Variants in KCNH8 observed in about 807,000 individuals in gnomAD.
KCNH8 encodes voltage-gated delayed rectifier potassium channel KCNH8.
KCNH8 carries 70 observed loss-of-function variants against 103.6 expected under a neutral mutation model. The observed-to-expected ratio is 0.68, with a 90% CI of 0.56 to 0.82. The LOEUF (loss-of-function observed/expected upper bound fraction) is 0.82, where lower values mean the gene tolerates loss of function less well. KCNH8 is among the 40% of genes least tolerant of loss of function. The pLI is 0.00. For missense variants in KCNH8, 1,217 were observed against 1,329.9 expected (o/e 0.92, Z 1.32); for synonymous variants, 498 against 489.4 (o/e 1.02, Z -0.23).
In KCNH8 at chr3:19,503,032, A is replaced by T. The variant is rs1230948745; in HGVS notation, c.2041-7331A>T. Among the ~76,000 whole-genome samples, 6 of 151,976 alleles carry T rather than the reference A, an allele frequency of 3.9e-5. No homozygotes were observed. The East Asian group carries it at 1.2e-3, about 29-fold the overall frequency. On this transcript the variant is annotated intron_variant, in intron 11 of 15. Transcript: ENST00000328405. ...AAAATTTTCGCAACGTACTCATCTGACAAAGGGCTAATATCCAGAATCTAC... is the reference window on the plus strand; with the variant it reads ...AAAATTTTCGCAACGTACTCATCTGTCAAAGGGCTAATATCCAGAATCTAC...
chr3:19,371,215 C>T (rs1314777087), intron 5 of KCNH8, among the ~76,000 whole-genome samples: 2 of 147,368 alleles, frequency 1.4e-5, no homozygotes, highest in Non-Finnish European at 1.5e-5. Flanking sequence ...AACTAGTTTA[C>T]AGTCCCACCA....
At chr3:19,365,801 G>A (rs2066004038) in intron 5 of KCNH8, among the ~76,000 whole-genome samples, 1 of 151,984 alleles carries the variant, frequency 6.6e-6, no homozygotes, top group Non-Finnish European at 1.5e-5. Context: ...AGCAAAGAAG[G>A]GGGAAGGAAT....
At chr3:19,250,491 TACTA>T (rs2064263059) in intron 1 of KCNH8, among the ~76,000 whole-genome samples, 2 of 152,124 alleles carry the variant, frequency 1.3e-5, no homozygotes, top group African/African-American at 4.8e-5. Context: ...GCTAGACAAA[TACTA>T]ACAAAGAAAG....
At chr3:19,168,724 A>G (rs1001848636) in intron 1 of KCNH8, among the ~76,000 whole-genome samples, 7 of 152,248 alleles carry the variant, frequency 4.6e-5, no homozygotes, top group African/African-American at 1.4e-4. Context: ...TCGTTTTCAA[A>G]TATGAAGGAC....
chr3:19,528,489 C>A (rs1305292574), intron 15 of KCNH8, among the ~76,000 whole-genome samples: 8 of 151,940 alleles, frequency 5.3e-5, no homozygotes, highest in Non-Finnish European at 1.0e-4. Context: ...GAAGGAAACA[C>A]AATAAGGGAA....
chr3:19,410,878 C>CAAAAAAAA (rs4021206), intron 7 of KCNH8, among the ~76,000 whole-genome samples: 1 of 63,368 alleles, frequency 1.6e-5, no homozygotes, highest in African/African-American at 4.9e-5. Flanking sequence ...GCCTACCAAG[C>CAAAAAAAA]AAAAAAAAAA....
chr3:19,501,499 C>A lies in KCNH8; in HGVS notation c.2041-8864C>A, dbSNP rs552925311. The stretch of plus-strand genomic sequence containing the variant: ...AAAAGAGAATTTTAGACCAATATCC[C>A]TGATTAACACTGATGCAAAAATCCT... On this transcript the variant is annotated intron_variant, in intron 11 of 15. Coordinates refer to ENST00000328405, the MANE Select transcript of KCNH8 (RefSeq NM_144633.3). 2.2e-4 allele frequency among the ~76,000 whole-genome samples: 34 copies of A among 152,204 alleles called. No homozygotes were observed. The East Asian group carries it at 6.6e-3, about 29-fold the overall frequency.
intron 7 of KCNH8, among the ~76,000 whole-genome samples, chr3:19,426,734 C>A (rs543750915): frequency 6.6e-6 from 1 of 152,162 alleles, no homozygotes; most frequent in Middle Eastern, 3.4e-3. Context: ...AAAACTGTGA[C>A]TTTGCTTCTT....
At chr3:19,224,671 A>C (rs1301225958) in intron 1 of KCNH8, among the ~76,000 whole-genome samples, 1 of 151,102 alleles carries the variant, frequency 6.6e-6, no homozygotes, top group Non-Finnish European at 1.5e-5. Flanking sequence ...CTCCCAAAGC[A>C]CTGGGATTAC....
intron 1 of KCNH8, among the ~76,000 whole-genome samples, chr3:19,235,766 G>A (rs11915614): frequency 0.063 from 9,599 of 152,192 alleles, 983 homozygotes; most frequent in African/African-American, 0.21. Context: ...AATTCACAGA[G>A]TTACAGCGAT....
chr3:19,432,089 C>A (rs1422646130), intron 7 of KCNH8, among the ~76,000 whole-genome samples: 1 of 152,006 alleles, frequency 6.6e-6, no homozygotes, highest in East Asian at 1.9e-4. Flanking sequence ...CTAAGGTAAA[C>A]AAAACCCAGT....
intron 1 of KCNH8, among the ~76,000 whole-genome samples, chr3:19,223,649 C>T (rs1457848040): frequency 6.6e-6 from 1 of 152,068 alleles, no homozygotes; most frequent in African/African-American, 2.4e-5. Context: ...TTTCTCTCAA[C>T]CATTCATTAC....
intron 5 of KCNH8, among the ~76,000 whole-genome samples, chr3:19,363,900 A>C (rs897090462): frequency 6.6e-6 from 1 of 152,178 alleles, no homozygotes; most frequent in Non-Finnish European, 1.5e-5. Flanking sequence ...AAAATTAAAG[A>C]TACTGACTTG....
chr3:19,406,105 C>T (rs2066687259), intron 7 of KCNH8, among the ~76,000 whole-genome samples: 3 of 151,988 alleles, frequency 2.0e-5, no homozygotes, highest in Non-Finnish European at 2.9e-5. Flanking sequence ...TGTTGAACAA[C>T]TAATGCCTTG....
chr3:19,515,240 CATA>C (rs1370123770), intron 13 of KCNH8, 79 bp from the exon 14 acceptor site: 1 of 724,352 alleles, frequency 1.4e-6, no homozygotes, highest in African/African-American at 1.9e-5. Context: ...AGAAATTTAA[CATA>C]ATATCTTTTA....
At chr3:19,494,143 C>T (rs1034563071) in intron 11 of KCNH8, among the ~76,000 whole-genome samples, 5 of 152,214 alleles carry the variant, frequency 3.3e-5, no homozygotes, top group African/African-American at 1.2e-4. Context: ...CCTCCAGCTC[C>T]ACCCACGTTG....
intron 1 of KCNH8, among the ~76,000 whole-genome samples, chr3:19,168,735 G>A (rs1034665795): frequency 2.6e-5 from 4 of 152,300 alleles, no homozygotes; most frequent in African/African-American, 9.6e-5. Context: ...TATGAAGGAC[G>A]AAGAATAACA....
chr3:19,211,034 A>G (rs896177120), intron 1 of KCNH8, among the ~76,000 whole-genome samples: 9 of 152,114 alleles, frequency 5.9e-5, no homozygotes, highest in Admixed American at 1.3e-4. Flanking sequence ...CAGTTCTCCT[A>G]TACAGTCATA....
intron 15 of KCNH8, among the ~76,000 whole-genome samples, chr3:19,531,069 A>C (rs938328199): frequency 6.6e-6 from 1 of 152,106 alleles, no homozygotes; most frequent in Non-Finnish European, 1.5e-5. Flanking sequence ...TAAAATTCAA[A>C]CTTATTCTTC....
Sources: gnomAD v4.1 joint callset for allele counts (sites outside exome capture counted in the v4.1 genomes callset) on GRCh38, gnomAD v4.1.1 for gene constraint, MANE v1.5 for transcripts, NCBI Gene and HGNC (gene_info 2026-07-23, HGNC 2026-07-21) for gene names.